RGP1: variants seen among roughly 807,000 people sequenced by gnomAD.
RGP1 encodes the protein RGP1 partner of RAB6A GEF complex.
RGP1 carries 28 observed loss-of-function variants against 44.5 expected under a neutral mutation model. The ratio of observed to expected loss-of-function variants is 0.63; its 90% CI spans 0.47 to 0.86. The LOEUF is 0.86. Among genes scored for constraint, RGP1 ranks in the 40% least tolerant of loss-of-function variants. RGP1 has a pLI of 0.00. For synonymous variants in RGP1, 212 were observed against 196.7 expected (o/e 1.08, Z -0.65); for missense variants, 417 against 490.7 (o/e 0.85, Z 1.42).
chr9:35,759,506 G>A (rs1305428233), downstream of RGP1, among the ~76,000 whole-genome samples: 1 of 133,366 alleles, frequency 7.5e-6, no homozygotes, highest in Non-Finnish European at 1.6e-5. Context: ...AGGCTCCAGT[G>A]AGCCGAGATT....
the RGP1 span, among the ~76,000 whole-genome samples, chr9:35,781,081 T>C: frequency 1.3e-5 from 2 of 151,942 alleles, no homozygotes; most frequent in Non-Finnish European, 2.9e-5. Flanking sequence ...AAAACAAATG[T>C]ATTAAATTAA....
chr9:35,750,541 C>A, intron 3 of RGP1, 117 bp from the exon 4 acceptor site: 1 of 1,314,614 alleles, frequency 7.6e-7, no homozygotes, highest in Non-Finnish European at 1.1e-6. Flanking sequence ...GAAGACTATT[C>A]CCATTTCACA....
the RGP1 span, among the ~76,000 whole-genome samples, chr9:35,784,450 GTTTA>G: frequency 3.3e-5 from 5 of 152,054 alleles, no homozygotes; most frequent in African/African-American, 2.4e-5. Context: ...AGATAGGGGT[GTTTA>G]TTTATTTATT....
At chr9:35,769,415 T>A in the RGP1 span, among the ~76,000 whole-genome samples, 1 of 152,202 alleles carries the variant, frequency 6.6e-6, no homozygotes, top group South Asian at 2.1e-4. Flanking sequence ...GAGTCTGTTA[T>A]GCCATGTACT....
Position 35,749,950 on chromosome 9 carries a change from T to C in RGP1, c.116+79T>C. 1 of 1,164,090 alleles carries C rather than the reference T, an allele frequency of 8.6e-7. No individual in the cohort carries two copies. Among genetic ancestry groups the C allele is most frequent in the Non-Finnish European group, 1.3e-6 (1 of 793,754 alleles). The allele number at this position is 1,164,090 out of a possible 1,614,324, so 72.1% of individuals were successfully genotyped here. The stretch of plus-strand genomic sequence containing the variant: ...CTCTGGGGCTGAGGCAGAGCTCAGG[T>C]TGTCCTGTAGCGACACCACCTCCTC... On this transcript the variant is annotated intron_variant, in intron 2 of 8. Coordinates refer to ENST00000378078, the MANE Select transcript of RGP1 (RefSeq NM_001080496.3). This position sits in a 1 kb window ranked among gnomAD's most constrained non-coding sequence, Gnocchi z 4.4.
Position 35,751,735 on chromosome 9 carries a change from G to A in RGP1, c.743G>A (p.Gly248Glu). The A allele has an allele frequency of 6.2e-7, 1 of 1,613,932 alleles. No individual in the cohort carries two copies. Among genetic ancestry groups the A allele is most frequent in the Non-Finnish European group, 8.5e-7 (1 of 1,179,872 alleles). Reference protein sequence around the residue: ...DVVGTLNLGEGTVACLQFSVS... With the variant: ...DVVGTLNLGEETVACLQFSVS... The stretch of plus-strand genomic sequence containing the variant: ...GTGGGGACCTTAAACTTAGGGGAAG[G>A]AACCGTAGCTTGTTTGCAGGTAAGA... Residue 248 changes from glycine to glutamate, a missense_variant, in exon 7 of 9, where the codon GGA becomes GAA. Coordinates refer to ENST00000378078, the MANE Select transcript of RGP1 (RefSeq NM_001080496.3).
At chr9:35,778,318 A>G in the RGP1 span, among the ~76,000 whole-genome samples, 1 of 152,168 alleles carries the variant, frequency 6.6e-6, no homozygotes, top group Non-Finnish European at 1.5e-5. Context: ...AAGGTATACA[A>G]AATGATAGAT....
rs1343766474 is a variant in RGP1, at chr9:35,755,762, C to G, written c.*2888C>G. The G allele has an allele frequency of 6.6e-6, 1 of 152,230 alleles. No individual in the cohort carries two copies. The highest frequency in any genetic ancestry group is 6.5e-5 in the Admixed American group (1 of 15,286). 9.4% of individuals were successfully genotyped at this position (152,230 alleles called of 1,614,324 possible). On this transcript the variant is annotated 3_prime_UTR_variant, in exon 9 of 9. Transcript: ENST00000378078. ...ACCTCCTGCTTTGTGCTCCCGCTTC[C>G]TAACAGGCCACAGACTGGTACTGGC...
chr9:35,783,113 A>AT, the RGP1 span, among the ~76,000 whole-genome samples: 3 of 151,994 alleles, frequency 2.0e-5, no homozygotes, highest in African/African-American at 4.8e-5. Flanking sequence ...CTGGCCCTTA[A>AT]TTTTTTTATT....
Position 35,751,465 on chromosome 9 carries a change from C to T in RGP1, c.634+53C>T. 4 of 1,609,746 alleles carry T rather than the reference C, an allele frequency of 2.5e-6. No individual in the cohort carries two copies. In the South Asian group the frequency reaches 4.4e-5, roughly 18 times the overall value. ...CCCATCCTTCCCCTCATTGTTTTCC[C>T]ATCTCAGAGACAGTCTCCTAACCAC... On this transcript the variant is annotated intron_variant, in intron 6 of 8. Coordinates refer to ENST00000378078, the MANE Select transcript of RGP1 (RefSeq NM_001080496.3).
chr9:35,762,841 GAA>G (rs771035960), downstream of RGP1, among the ~76,000 whole-genome samples: 2 of 140,028 alleles, frequency 1.4e-5, no homozygotes, highest in South Asian at 4.5e-4. Flanking sequence ...CTTTTTAACG[GAA>G]AAAAAAAAAC....
chr9:35,788,912 G>C, the RGP1 span, among the ~76,000 whole-genome samples: 3 of 152,214 alleles, frequency 2.0e-5, no homozygotes, highest in East Asian at 5.8e-4. Context: ...GCCTTTCACT[G>C]TGTGTTAATA....
chr9:35,788,915 T>C, the RGP1 span, among the ~76,000 whole-genome samples: 10 of 152,256 alleles, frequency 6.6e-5, 1 homozygote, highest in Admixed American at 6.5e-4. Flanking sequence ...TTTCACTGTG[T>C]GTTAATAAAA....
rs1827307364 is a variant in RGP1 at position 35,753,506 on chromosome 9, C to G, written c.*632C>G. 1 of 782,744 alleles carries G rather than the reference C, an allele frequency of 1.3e-6. No homozygotes were observed. Among genetic ancestry groups the G allele is most frequent in the Non-Finnish European group, 2.1e-6 (1 of 485,222 alleles). 48.5% of individuals were successfully genotyped at this position (782,744 alleles called of 1,614,324 possible). ...CCTCCCCTGATTTATAGCCTGAAGC[C>G]TTATCTTTCACACTAGTGTTGGTCC... On this transcript the variant is annotated 3_prime_UTR_variant, in exon 9 of 9. Coordinates refer to ENST00000378078, the MANE Select transcript of RGP1 (RefSeq NM_001080496.3). The surrounding 1 kb of genome is among the most constrained non-coding windows in gnomAD (Gnocchi z 4.2).
chr9:35,762,807 C>T (rs553044622), downstream of RGP1, among the ~76,000 whole-genome samples: 1 of 151,044 alleles, frequency 6.6e-6, no homozygotes, highest in South Asian at 2.1e-4. Flanking sequence ...ACAAATTAAA[C>T]GTACTGGCTT....
chr9:35,765,387 T>C, the RGP1 span, among the ~76,000 whole-genome samples: 1 of 152,176 alleles, frequency 6.6e-6, no homozygotes, highest in Non-Finnish European at 1.5e-5. Context: ...TTTGGTGCAG[T>C]GGCTCATGCC....
At chr9:35,786,152 G>A in the RGP1 span, among the ~76,000 whole-genome samples, 2 of 152,194 alleles carry the variant, frequency 1.3e-5, no homozygotes, top group Non-Finnish European at 2.9e-5. Flanking sequence ...TGCATTTCCA[G>A]TCTCTAGAAG....
chr9:35,786,967 G>T, the RGP1 span, among the ~76,000 whole-genome samples: 1 of 151,640 alleles, frequency 6.6e-6, no homozygotes, highest in South Asian at 2.1e-4. Flanking sequence ...GGGCGTGGTG[G>T]CGGGCGCCTG....
the RGP1 span, chr9:35,790,201 A>G: frequency 6.6e-6 from 1 of 152,508 alleles, no homozygotes; most frequent in African/African-American, 2.4e-5. Context: ...GCCTGGAACT[A>G]GAGTTACCAA....
Sources: allele counts gnomAD v4.1 joint callset (sites outside exome capture counted in the v4.1 genomes callset), GRCh38; gene constraint gnomAD v4.1.1; non-coding constraint Gnocchi (gnomAD v3.1); transcripts MANE v1.5; gene names NCBI Gene and HGNC (gene_info 2026-07-23, HGNC 2026-07-21).